Variants in RBL1 observed in about 807,000 individuals in gnomAD.
RBL1 encodes the protein retinoblastoma-like protein 1.
Under a neutral mutation model 123.0 loss-of-function variants are expected in RBL1, and 82 were observed. That is an observed-to-expected ratio of 0.67 (90% CI 0.56 to 0.80). The LOEUF (loss-of-function observed/expected upper bound fraction) is 0.80. Ranked by LOEUF, RBL1 falls within the 30% of genes least tolerant of loss-of-function variation. The probability of loss-of-function intolerance (pLI) is 0.00; values close to 1 mark genes in which losing one functional copy is unlikely to be tolerated. For synonymous variants in RBL1, 405 were observed against 441.3 expected, an observed-to-expected ratio of 0.92 and a Z score of 1.03; for missense variants, 1,171 against 1,299.6, an observed-to-expected ratio of 0.90 and a Z score of 1.52.
intron 9 of RBL1, among the ~76,000 whole-genome samples, chr20:37,059,715 A>C (rs577943820): frequency 1.1e-4 from 17 of 152,176 alleles, no homozygotes; most frequent in African/African-American, 2.4e-4. Flanking sequence ...ATGAAATCAT[A>C]TCTCTCTCCT....
In RBL1 at chr20:36,997,775, TG is replaced by T. The variant is rs2063904028; in HGVS notation, c.*983del. 2.6e-5 allele frequency: 4 copies of T among 152,082 alleles called. No individual in the cohort carries two copies. In the South Asian group the frequency reaches 8.3e-4, roughly 32 times the overall value. 9.4% of individuals were successfully genotyped at this position (152,082 alleles called of 1,614,324 possible). A position where few individuals can be genotyped will look rare whatever the true frequency, so the allele number is the denominator to read the frequency against. ...TAAGTTAATGTCACAGAAACCAAAATGATAATAGTTTACAAAAGAAGAAAGT... is the reference window on the plus strand; with the variant it reads ...TAAGTTAATGTCACAGAAACCAAAATATAATAGTTTACAAAAGAAGAAAGT... On this transcript the variant is annotated 3_prime_UTR_variant, in exon 22 of 22. Transcript: ENST00000373664.
At position 37,077,439 on chromosome 20, in the gene RBL1, T is replaced by C. The variant is rs373775206; in HGVS notation, c.291-9253A>G. Among the ~76,000 whole-genome samples the C allele has an allele frequency of 8.7e-4, 133 of 152,092 alleles. 1 individual carries two copies. The highest frequency in any genetic ancestry group is 3.1e-3 in the African/African-American group (130 of 41,414). On this transcript the variant is annotated intron_variant, in intron 2 of 21. Coordinates refer to ENST00000373664, the MANE Select transcript of RBL1 (RefSeq NM_002895.5). Reference sequence around the variant, plus strand: ...CTCTTCATAATGTAGGTGGAACTCATCCAATCAGCTGAAGGTCTTAATAGA... The same window carrying C: ...CTCTTCATAATGTAGGTGGAACTCACCCAATCAGCTGAAGGTCTTAATAGA...
intron 3 of RBL1, among the ~76,000 whole-genome samples, chr20:37,067,517 C>T (rs1485668839): frequency 6.6e-6 from 1 of 151,688 alleles, no homozygotes; most frequent in Non-Finnish European, 1.5e-5. Flanking sequence ...GCCTGTAATC[C>T]CAGCACTCTG....
intron 1 of RBL1, among the ~76,000 whole-genome samples, chr20:37,095,163 G>A (rs1309513693): frequency 6.6e-6 from 1 of 152,232 alleles, no homozygotes; most frequent in Non-Finnish European, 1.5e-5. Flanking sequence ...GACGGAGGAG[G>A]AAACGTAGGG....
intron 11 of RBL1, chr20:37,049,447 C>T (rs780288196): frequency 2.8e-5 from 21 of 752,660 alleles, no homozygotes; most frequent in Non-Finnish European, 4.9e-5. Flanking sequence ...TACTCTTCAT[C>T]TTGTGTTGAG....
At chr20:37,069,303 T>C (rs540641641) in intron 2 of RBL1, among the ~76,000 whole-genome samples, 2 of 151,068 alleles carry the variant, frequency 1.3e-5, no homozygotes, top group South Asian at 4.2e-4. Flanking sequence ...CCGCCCATCG[T>C]CTGGGATGTG....
intron 11 of RBL1, among the ~76,000 whole-genome samples, chr20:37,051,595 A>G (rs1469323567): frequency 1.3e-5 from 2 of 152,212 alleles, no homozygotes; most frequent in Non-Finnish European, 2.9e-5. Context: ...TAAGATTTCT[A>G]TACTTTACTT....
chr20:37,081,014 G>A (rs1260993172), intron 2 of RBL1, among the ~76,000 whole-genome samples: 1 of 152,142 alleles, frequency 6.6e-6, no homozygotes, highest in Non-Finnish European at 1.5e-5. Context: ...AAAATATCTT[G>A]AGGTTCCTGG....
intron 2 of RBL1, among the ~76,000 whole-genome samples, chr20:37,070,443 G>A (rs2146309726): frequency 6.6e-6 from 1 of 150,628 alleles, no homozygotes; most frequent in African/African-American, 2.4e-5. Context: ...CCCCCTCTGT[G>A]AGAAACACCC....
At chr20:37,012,117 G>C (rs1032726454) in intron 19 of RBL1, among the ~76,000 whole-genome samples, 1 of 152,226 alleles carries the variant, frequency 6.6e-6, no homozygotes, top group African/African-American at 2.4e-5. Context: ...CGCCAGCCTC[G>C]GCCTGCCGAG....
chr20:37,062,105 G>C lies in RBL1; in HGVS notation c.1062C>G (p.Asn354Lys). ...TTACTTTTTCAAAGTGCTGTTGAAG[G>C]TTATACTCCACATTAGCCTGTGCTG... ...KLTAQANVEY[N>K]LQQHFEKKRS... The change falls in exon 8 of 22, where the codon AAC becomes AAG. Residue 354 changes from asparagine (N) to lysine (K), a missense_variant. By Grantham distance (94) the Asn-to-Lys change is moderately conservative (BLOSUM62 0). Coordinates refer to ENST00000373664, the MANE Select transcript of RBL1 (RefSeq NM_002895.5). The C allele has an allele frequency of 6.2e-7, 1 of 1,613,988 alleles. No homozygotes were observed. The highest frequency in any genetic ancestry group is 1.1e-5 in the South Asian group (1 of 91,044).
chr20:37,069,180 G>A (rs2065236466), intron 2 of RBL1, among the ~76,000 whole-genome samples: 1 of 152,252 alleles, frequency 6.6e-6, no homozygotes, highest in Non-Finnish European at 1.5e-5. Flanking sequence ...CGTGATCTCG[G>A]CTCGCTACAA....
chr20:37,060,845 T>C (rs964967659), intron 9 of RBL1, among the ~76,000 whole-genome samples: 1 of 152,004 alleles, frequency 6.6e-6, no homozygotes, highest in Admixed American at 6.6e-5. Flanking sequence ...CTGGAATTAG[T>C]CTCACTATGT....
chr20:37,087,642 TTCAA>T (rs2065571262), intron 2 of RBL1, among the ~76,000 whole-genome samples: 1 of 152,132 alleles, frequency 6.6e-6, no homozygotes, highest in Admixed American at 6.6e-5. Flanking sequence ...GATTATATTC[TTCAA>T]AAATGGTAAT....
At chr20:37,020,992 T>C (rs964489291) in intron 17 of RBL1, among the ~76,000 whole-genome samples, 2 of 152,212 alleles carry the variant, frequency 1.3e-5, no homozygotes, top group African/African-American at 2.4e-5. Flanking sequence ...TGAAAATCCA[T>C]TTCTTTATAT....
At chr20:37,032,621 C>T in intron 16 of RBL1, 44 bp downstream of exon 16, 1 of 1,602,492 alleles carries the variant, frequency 6.2e-7, no homozygotes, top group Non-Finnish European at 8.5e-7. Context: ...ATCTTTCTTC[C>T]ATTGATTAAA....
intron 1 of RBL1, among the ~76,000 whole-genome samples, chr20:37,092,202 T>C (rs2065658980): frequency 6.6e-6 from 1 of 151,608 alleles, no homozygotes; most frequent in African/African-American, 2.4e-5. Flanking sequence ...AGAGAAAGAG[T>C]TGTTTGGGAT....
chr20:36,999,059 T>C, intron 21 of RBL1, 130 bp from the exon 22 acceptor site: 1 of 853,136 alleles, frequency 1.2e-6, no homozygotes, highest in South Asian at 1.9e-5. Context: ...AGGACTCTTT[T>C]TAAAACTTAG....
At chr20:37,028,248 C>T (rs900984853) in intron 16 of RBL1, among the ~76,000 whole-genome samples, 1 of 152,070 alleles carries the variant, frequency 6.6e-6, no homozygotes, top group African/African-American at 2.4e-5. Flanking sequence ...ACCTATAGTC[C>T]CAGCTACTTG....
Sources: allele counts gnomAD v4.1 joint callset (sites outside exome capture counted in the v4.1 genomes callset), GRCh38; gene constraint gnomAD v4.1.1; transcripts MANE v1.5; gene names NCBI Gene and HGNC (gene_info 2026-07-23, HGNC 2026-07-21).